TENT5D: variants seen among roughly 807,000 people sequenced by gnomAD.
The protein encoded by TENT5D is terminal nucleotidyltransferase 5D, also known as cancer/testis antigen 112.
For synonymous variants in TENT5D, 103 were observed against 100.6 expected, an observed-to-expected ratio of 1.02 and a Z score of -0.15; for missense variants, 191 against 287.0, an observed-to-expected ratio of 0.67 and a Z score of 2.42.
Position 80,440,234 on chromosome X carries a change from T to C in TENT5D, c.-19+1502T>C, listed in dbSNP as rs146594914. ...AGATAATTAAGTGGCAATTGGAAAGTTGCATACTGATGGACAGTTTTTCTA... is the reference window on the plus strand; with the variant it reads ...AGATAATTAAGTGGCAATTGGAAAGCTGCATACTGATGGACAGTTTTTCTA... On this transcript the variant is annotated intron_variant, in intron 2 of 2. Coordinates refer to ENST00000308293, the Ensembl canonical transcript of TENT5D. 3.7e-3 allele frequency among the ~76,000 whole-genome samples: 410 copies of C among 111,767 alleles called. 2 individuals are homozygous for C. Among genetic ancestry groups the C allele is most frequent in the African/African-American group, 0.013 (396 of 30,951 alleles).
chrX:80,409,769 A>G (rs1446569195), intron 3 of TENT5D, among the ~76,000 whole-genome samples: 7 of 105,937 alleles, frequency 6.6e-5, no homozygotes, highest in African/African-American at 2.4e-4. Context: ...ATGGAACCAA[A>G]AAAGAGCCCG....
chrX:80,367,752 CTT>C (rs1930538432), intron 3 of TENT5D, among the ~76,000 whole-genome samples: 1 of 111,695 alleles, frequency 9.0e-6, no homozygotes, highest in Non-Finnish European at 1.9e-5. Flanking sequence ...GAAAGATAAA[CTT>C]CACATGTTCT....
At position 80,396,425 on chromosome X, in the gene TENT5D, C is replaced by T. The variant is rs374403433; in HGVS notation, c.-141-42185C>T. On this transcript the variant is annotated intron_variant, in intron 3 of 4. Transcript: ENST00000538312. ...CCTAGGCAGAGGACCCTGCGGCCTT[C>T]CACAGTGTTTGTGTCCCTGGGTATT... is the stretch of plus-strand genomic sequence containing the variant. 2.4e-4 allele frequency among the ~76,000 whole-genome samples: 27 copies of T among 110,337 alleles called. No homozygotes were observed. The East Asian group carries it at 6.1e-3, about 25-fold the overall frequency.
exon 3 of TENT5D, chrX:80,442,641 C>T: frequency 8.3e-7 from 1 of 1,209,961 alleles, no homozygotes; most frequent in Non-Finnish European, 1.1e-6. Context: ...GGAATTTCCC[C>T]ACAATGGAGG....
upstream of TENT5D, among the ~76,000 whole-genome samples, chrX:80,418,325 A>T (rs1218317841): frequency 1.8e-5 from 2 of 109,844 alleles, no homozygotes; most frequent in East Asian, 2.9e-4. Context: ...AATTTTTTAA[A>T]TTTTTTTTCA....
At chrX:80,353,577 A>T (rs1178315502) in intron 3 of TENT5D, among the ~76,000 whole-genome samples, 2 of 111,688 alleles carry the variant, frequency 1.8e-5, no homozygotes, top group Non-Finnish European at 3.8e-5. Flanking sequence ...ACTTACCTCT[A>T]GCTCCATCCA....
chrX:80,428,193 G>A (rs1023270426), intron 1 of TENT5D, among the ~76,000 whole-genome samples: 5 of 112,133 alleles, frequency 4.5e-5, no homozygotes, highest in African/African-American at 9.7e-5. Flanking sequence ...GCATTCAGAC[G>A]GGGAGTTTTT....
chrX:80,430,986 T>C (rs1399317972), intron 1 of TENT5D, among the ~76,000 whole-genome samples: 1 of 111,482 alleles, frequency 9.0e-6, no homozygotes, highest in Non-Finnish European at 1.9e-5. Context: ...CAAGACTCTT[T>C]AACAGAGGGA....
At chrX:80,401,441 A>G (rs773934707) in intron 3 of TENT5D, among the ~76,000 whole-genome samples, 3 of 111,444 alleles carry the variant, frequency 2.7e-5, no homozygotes, top group Non-Finnish European at 5.7e-5. Flanking sequence ...GATGTCCACT[A>G]CTATGTTGAA....
intron 2 of TENT5D, among the ~76,000 whole-genome samples, chrX:80,338,929 T>C (rs1322205127): frequency 2.7e-5 from 3 of 112,280 alleles, no homozygotes; most frequent in South Asian, 7.3e-4. Context: ...TACAAATCAT[T>C]TATTGCATAA....
At chrX:80,443,668 T>C (rs1352237872) in exon 3 of TENT5D, 1 of 1,201,070 alleles carries the variant, frequency 8.3e-7, no homozygotes, top group Non-Finnish European at 1.1e-6. Context: ...CTTCCAGCCA[T>C]ACCACCCACT....
chrX:80,412,586 G>A (rs1266575048), intron 3 of TENT5D, among the ~76,000 whole-genome samples: 3 of 111,650 alleles, frequency 2.7e-5, no homozygotes, highest in Non-Finnish European at 3.8e-5. Context: ...GCCAGATACC[G>A]TAAATCATCT....
intron 1 of TENT5D, among the ~76,000 whole-genome samples, chrX:80,421,038 A>G (rs1338020802): frequency 8.9e-6 from 1 of 112,331 alleles, no homozygotes; most frequent in Non-Finnish European, 1.9e-5. Context: ...AAATGTTTTT[A>G]ATTACTACAT....
chrX:80,376,800 TATC>T (rs1475180727), intron 3 of TENT5D, among the ~76,000 whole-genome samples: 6 of 111,969 alleles, frequency 5.4e-5, no homozygotes, highest in Non-Finnish European at 1.1e-4. Context: ...TTTGGGTTAT[TATC>T]CATTGTTTTG....
chrX:80,383,133 C>T (rs988850539), intron 3 of TENT5D, among the ~76,000 whole-genome samples: 2 of 112,341 alleles, frequency 1.8e-5, no homozygotes, highest in Non-Finnish European at 3.8e-5. Flanking sequence ...TGGAACAGAT[C>T]CAAGGTAGTA....
At chrX:80,418,020 TA>T (rs1203831820), upstream of TENT5D, among the ~76,000 whole-genome samples, 1 of 111,706 alleles carries the variant, frequency 9.0e-6, no homozygotes, top group Non-Finnish European at 1.9e-5. Context: ...TTAATATTTT[TA>T]AAAATTTTTT....
chrX:80,380,383 G>A (rs981842687), intron 3 of TENT5D, among the ~76,000 whole-genome samples: 2 of 111,030 alleles, frequency 1.8e-5, no homozygotes, highest in African/African-American at 6.6e-5. Flanking sequence ...TTCCAACTAT[G>A]TGGTCAGTTT....
intron 3 of TENT5D, among the ~76,000 whole-genome samples, chrX:80,354,396 T>C (rs761279900): frequency 2.7e-5 from 3 of 111,886 alleles, no homozygotes; most frequent in East Asian, 5.6e-4. Flanking sequence ...AATTTCCTAC[T>C]TTTTAAAATT....
Position 80,426,771 on chromosome X carries a change from C to T in TENT5D, c.-142+6208C>T, listed in dbSNP as rs772779932. Among the ~76,000 whole-genome samples the T allele has an allele frequency of 7.1e-5, 8 of 111,936 alleles. No individual in the cohort carries two copies. In the East Asian group the frequency reaches 2.0e-3, roughly 27 times the overall value. Reference sequence around the variant, plus strand: ...AAAAACACATTTTACTGTTTTCACACGCCTTGCACGTAAATCCATTTTCAG... The same window carrying T: ...AAAAACACATTTTACTGTTTTCACATGCCTTGCACGTAAATCCATTTTCAG... On this transcript the variant is annotated intron_variant, in intron 1 of 2. Coordinates refer to ENST00000308293, the Ensembl canonical transcript of TENT5D.
Sources: allele counts gnomAD v4.1 joint callset (sites outside exome capture counted in the v4.1 genomes callset), GRCh38; gene constraint gnomAD v4.1.1; transcripts MANE v1.5; gene names NCBI Gene and HGNC (gene_info 2026-07-23, HGNC 2026-07-21).